ACYP2: variants seen among roughly 807,000 people sequenced by gnomAD.
ACYP2 encodes acylphosphatase 2.
In ACYP2, 12 loss-of-function variants were observed where a neutral mutation model predicts 11.2. The observed-to-expected ratio is 1.08, with a 90% CI of 0.69 to 1.74. The LOEUF (loss-of-function observed/expected upper bound fraction) is 1.74. ACYP2 is among the 40% of genes most tolerant of loss of function. The probability of loss-of-function intolerance (pLI) is 0.00; values close to 1 mark genes in which losing one functional copy is unlikely to be tolerated. For synonymous variants in ACYP2, 43 were observed against 32.2 expected, an observed-to-expected ratio of 1.33 and a Z score of -1.13; for missense variants, 134 against 101.9, an observed-to-expected ratio of 1.31 and a Z score of -1.35.
chr2:54,249,363 C>T (rs956820247), intron 6 of ACYP2, among the ~76,000 whole-genome samples: 7 of 149,128 alleles, frequency 4.7e-5, no homozygotes, highest in East Asian at 2.0e-4. Context: ...TTTCCTACCT[C>T]GGTGGAGCTT....
intron 2 of ACYP2, among the ~76,000 whole-genome samples, chr2:54,015,160 T>C (rs9631059): frequency 0.46 from 69,292 of 150,506 alleles, 16,022 homozygotes; most frequent in South Asian, 0.55. Context: ...TGAGGTCAGG[T>C]ATTTGAGATC....
intron 4 of ACYP2, among the ~76,000 whole-genome samples, chr2:54,093,156 C>T (rs550845571): frequency 6.6e-6 from 1 of 152,288 alleles, no homozygotes; most frequent in South Asian, 2.1e-4. Flanking sequence ...TCCCAGGGAA[C>T]CTAACCTAAG....
chr2:54,281,222 T>C (rs763802105), intron 6 of ACYP2, among the ~76,000 whole-genome samples: 3 of 152,252 alleles, frequency 2.0e-5, no homozygotes, highest in Non-Finnish European at 4.4e-5. Flanking sequence ...ATGATTAACT[T>C]TGTCATTGCA....
At chr2:54,179,130 T>G (rs1477348547) in intron 6 of ACYP2, among the ~76,000 whole-genome samples, 1 of 151,706 alleles carries the variant, frequency 6.6e-6, no homozygotes, top group Non-Finnish European at 1.5e-5. Context: ...AGGGAATGCC[T>G]TAATGCGCTT....
chr2:54,261,010 C>A (rs1253953962), intron 6 of ACYP2, among the ~76,000 whole-genome samples: 6 of 152,132 alleles, frequency 3.9e-5, no homozygotes, highest in African/African-American at 1.4e-4. Context: ...TCACCACTAC[C>A]TTTCGATAAA....
chr2:54,112,261 T>C (rs1032552609), intron 4 of ACYP2, among the ~76,000 whole-genome samples: 33 of 152,318 alleles, frequency 2.2e-4, no homozygotes, highest in Middle Eastern at 3.4e-3. Flanking sequence ...TTTCAACCAG[T>C]AGTAACACAA....
intron 6 of ACYP2, among the ~76,000 whole-genome samples, chr2:54,257,383 T>C (rs1687604110): frequency 6.6e-6 from 1 of 152,200 alleles, no homozygotes; most frequent in Non-Finnish European, 1.5e-5. Context: ...TCCCCATGCA[T>C]AGGTTTTTAA....
rs1682896398 is a variant in ACYP2, at chr2:54,165,160, A to C, written c.404+26412A>C. On this transcript the variant is annotated intron_variant, in intron 6 of 6. Transcript: ENST00000607452. ...ATGTCTTTGCTATTGCAAGTAGTGAAACAGCCTTATTTTCTAACTAACCAT... is the reference window on the plus strand; with the variant it reads ...ATGTCTTTGCTATTGCAAGTAGTGACACAGCCTTATTTTCTAACTAACCAT... 2.0e-5 allele frequency among the ~76,000 whole-genome samples: 3 copies of C among 152,238 alleles called. No homozygotes were observed. The South Asian group carries it at 6.2e-4, about 32-fold the overall frequency.
In ACYP2 at chr2:54,054,948, A is replaced by C. The variant is rs549099101; in HGVS notation, c.156-2291A>C. Among the ~76,000 whole-genome samples, 8 of 152,370 alleles carry C rather than the reference A, an allele frequency of 5.3e-5. No individual in the cohort carries two copies. The East Asian group carries it at 1.5e-3, about 29-fold the overall frequency. ...TAGTAGTGTGCAGACTAGAAGTTGT[A>C]TTTTAATTCTCTGGCTTTACGTAAA... On this transcript the variant is annotated intron_variant, in intron 3 of 6. Coordinates refer to ENST00000607452, the MANE Select transcript of ACYP2 (RefSeq NM_001320586.2).
intron 6 of ACYP2, among the ~76,000 whole-genome samples, chr2:54,262,046 C>T (rs1687802949): frequency 6.6e-6 from 1 of 152,194 alleles, no homozygotes; most frequent in South Asian, 2.1e-4. Context: ...TAATCATTTT[C>T]TACTAATGTA....
At chr2:54,102,843 C>T (rs1435170849) in intron 4 of ACYP2, among the ~76,000 whole-genome samples, 2 of 152,070 alleles carry the variant, frequency 1.3e-5, no homozygotes, top group African/African-American at 4.8e-5. Context: ...AAAATGATTC[C>T]TGATAGCTCC....
chr2:54,194,564 ATATAT>A (rs1314113347), intron 6 of ACYP2, among the ~76,000 whole-genome samples: 5 of 152,094 alleles, frequency 3.3e-5, no homozygotes, highest in South Asian at 2.1e-4. Flanking sequence ...TTATATAATA[ATATAT>A]TATATGAACA....
At chr2:54,122,828 A>G (rs1478028093) in intron 4 of ACYP2, among the ~76,000 whole-genome samples, 1 of 152,216 alleles carries the variant, frequency 6.6e-6, no homozygotes, top group Non-Finnish European at 1.5e-5. Flanking sequence ...AGGCTTTAAA[A>G]TAAGAGTTGT....
chr2:54,062,302 A>T (rs1573634370), intron 4 of ACYP2, among the ~76,000 whole-genome samples: 1 of 152,048 alleles, frequency 6.6e-6, no homozygotes, highest in African/African-American at 2.4e-5. Context: ...TGCCCTCAAC[A>T]TTACTTTGAG....
chr2:54,288,871 C>T (rs1689189734), intron 6 of ACYP2, among the ~76,000 whole-genome samples: 1 of 151,974 alleles, frequency 6.6e-6, no homozygotes, highest in African/African-American at 2.4e-5. Context: ...CCAAACTGCA[C>T]TTTGTAGACC....
At chr2:54,133,262 A>G (rs144240820) in intron 4 of ACYP2, among the ~76,000 whole-genome samples, 30 of 152,326 alleles carry the variant, frequency 2.0e-4, no homozygotes, top group African/African-American at 7.0e-4. Context: ...CTTACTTAGC[A>G]TAATGCATTT....
At chr2:54,196,676 C>T (rs1391611499) in intron 6 of ACYP2, among the ~76,000 whole-genome samples, 1 of 152,170 alleles carries the variant, frequency 6.6e-6, no homozygotes, top group African/African-American at 2.4e-5. Context: ...GGATGTTTAG[C>T]AGCTTCTCTG....
intron 6 of ACYP2, among the ~76,000 whole-genome samples, chr2:54,266,318 ATATAAG>A (rs1688015015): frequency 6.6e-6 from 1 of 152,184 alleles, no homozygotes; most frequent in African/African-American, 2.4e-5. Context: ...CCTTTCAAAA[ATATAAG>A]TATATGATCC....
intron 6 of ACYP2, among the ~76,000 whole-genome samples, chr2:54,220,278 T>C (rs185131819): frequency 7.2e-5 from 11 of 152,322 alleles, no homozygotes; most frequent in African/African-American, 2.6e-4. Flanking sequence ...AACTGTAATC[T>C]TTCTTAATTA....
Sources: gnomAD v4.1 joint callset for allele counts (sites outside exome capture counted in the v4.1 genomes callset) on GRCh38, gnomAD v4.1.1 for gene constraint, MANE v1.5 for transcripts, NCBI Gene and HGNC (gene_info 2026-07-23, HGNC 2026-07-21) for gene names.